The following VPS54 variants were observed in gnomAD, a reference collection of about 807,000 sequenced individuals.
VPS54 encodes VPS54 subunit of GARP complex.
A neutral mutation model predicts 121.5 loss-of-function variants in VPS54; 45 were observed. The ratio of observed to expected loss-of-function variants is 0.37; its 90% CI spans 0.29 to 0.47. The LOEUF (loss-of-function observed/expected upper bound fraction) is 0.47. Among genes scored for constraint, VPS54 ranks in the 20% least tolerant of loss-of-function variants. The pLI is 0.99. For missense variants in VPS54, 1,090 were observed against 1,131.4 expected (o/e 0.96, Z 0.52); for synonymous variants, 371 against 385.8 (o/e 0.96, Z 0.45).
intron 15 of VPS54, among the ~76,000 whole-genome samples, 156 bp downstream of exon 15, chr2:63,919,727 T>C (rs1673552306): frequency 6.6e-6 from 1 of 152,120 alleles, no homozygotes; most frequent in African/African-American, 2.4e-5. Flanking sequence ...ATAATTATTA[T>C]AAATTACCAT....
intron 7 of VPS54, among the ~76,000 whole-genome samples, chr2:63,960,561 G>A (rs763122215): frequency 7.2e-5 from 11 of 152,100 alleles, no homozygotes; most frequent in African/African-American, 2.7e-4. Flanking sequence ...TTGCCAAGGC[G>A]GCATTCAATC....
At chr2:63,936,477 G>A (rs1261723651) in intron 11 of VPS54, among the ~76,000 whole-genome samples, 1 of 152,156 alleles carries the variant, frequency 6.6e-6, no homozygotes, top group Admixed American at 6.6e-5. Flanking sequence ...TCTTGAGAAT[G>A]GAGTTAATGA....
chr2:63,934,359 G>A (rs577052438), intron 11 of VPS54, among the ~76,000 whole-genome samples: 1 of 152,236 alleles, frequency 6.6e-6, no homozygotes, highest in East Asian at 1.9e-4. Flanking sequence ...TGATATGCCT[G>A]TCTAAAAGAA....
At chr2:63,924,298 C>T (rs1012331367) in intron 12 of VPS54, among the ~76,000 whole-genome samples, 1 of 152,176 alleles carries the variant, frequency 6.6e-6, no homozygotes, top group Admixed American at 6.5e-5. Context: ...TATAGCTAGA[C>T]ATAGTCATGT....
intron 11 of VPS54, among the ~76,000 whole-genome samples, chr2:63,939,728 T>C (rs1186535517): frequency 6.6e-6 from 1 of 151,208 alleles, no homozygotes; most frequent in Non-Finnish European, 1.5e-5. Context: ...CTTTTTGACA[T>C]AGCTGAGATC....
intron 7 of VPS54, among the ~76,000 whole-genome samples, chr2:63,953,468 A>G (rs917464770): frequency 4.6e-5 from 7 of 152,140 alleles, no homozygotes; most frequent in South Asian, 2.1e-4. Flanking sequence ...AATGTATTAT[A>G]TATCTGTTTA....
intron 12 of VPS54, among the ~76,000 whole-genome samples, chr2:63,930,660 C>A (rs933492399): frequency 2.0e-5 from 3 of 152,012 alleles, no homozygotes; most frequent in African/African-American, 4.8e-5. Flanking sequence ...GAAGTTCTGG[C>A]CAGGGCAATC....
intron 8 of VPS54, among the ~76,000 whole-genome samples, chr2:63,947,817 G>A (rs1559013719): frequency 6.6e-6 from 1 of 152,066 alleles, no homozygotes; most frequent in African/African-American, 2.4e-5. Flanking sequence ...TACTCCATGG[G>A]CCCTGTGGGT....
intron 1 of VPS54, among the ~76,000 whole-genome samples, chr2:64,003,449 C>T (rs1338399357): frequency 6.6e-6 from 1 of 152,126 alleles, no homozygotes. Context: ...TCAATTTTTG[C>T]ATCAATCATA....
At chr2:63,917,051 G>A in intron 15 of VPS54, 88 bp from the exon 16 acceptor site, 3 of 1,306,902 alleles carry the variant, frequency 2.3e-6, no homozygotes, top group Non-Finnish European at 2.2e-6. Flanking sequence ...CCTGTTTAAG[G>A]CCAAAAACTC....
intron 12 of VPS54, among the ~76,000 whole-genome samples, chr2:63,926,021 T>C (rs145958564): frequency 3.9e-5 from 6 of 152,332 alleles, no homozygotes; most frequent in Admixed American, 2.6e-4. Context: ...ATACAAATGA[T>C]ACTTGAAGAT....
intron 22 of VPS54, among the ~76,000 whole-genome samples, chr2:63,894,603 T>C (rs1397689307): frequency 6.6e-6 from 1 of 151,716 alleles, no homozygotes; most frequent in Non-Finnish European, 1.5e-5. Context: ...TTGGGGAGTC[T>C]GCAGTGGGAG....
At chr2:63,948,878 T>C (rs574773211) in intron 8 of VPS54, among the ~76,000 whole-genome samples, 159 bp downstream of exon 8, 1 of 152,334 alleles carries the variant, frequency 6.6e-6, no homozygotes, top group South Asian at 2.1e-4. Context: ...TGAACAATCA[T>C]GGTGCTTGCT....
chr2:63,999,782 TTTTTC>T (rs1004368353), intron 1 of VPS54, among the ~76,000 whole-genome samples: 13 of 152,214 alleles, frequency 8.5e-5, no homozygotes, highest in South Asian at 6.2e-4. Context: ...TTTTTATTCT[TTTTTC>T]TTTTGTCTTC....
chr2:63,921,634 C>T (rs1359747617), intron 12 of VPS54, among the ~76,000 whole-genome samples: 2 of 152,190 alleles, frequency 1.3e-5, no homozygotes, highest in East Asian at 3.9e-4. Flanking sequence ...CTCAAGCAAA[C>T]CCCCTACCTC....
chr2:63,941,777 A>G (rs541750598), intron 11 of VPS54, among the ~76,000 whole-genome samples: 56 of 152,216 alleles, frequency 3.7e-4, no homozygotes, highest in Middle Eastern at 3.4e-3. Context: ...GCTCACACCT[A>G]TATCTCAGCA....
At chr2:63,970,210 T>TACACAC (rs1301850062) in intron 4 of VPS54, among the ~76,000 whole-genome samples, 3,215 of 101,590 alleles carry the variant, frequency 0.032, 208 homozygotes, top group African/African-American at 0.12. Context: ...AAAATATATA[T>TACACAC]ATACACACAC....
At chr2:64,012,690 T>C (rs1160392101) in intron 1 of VPS54, among the ~76,000 whole-genome samples, 1 of 140,968 alleles carries the variant, frequency 7.1e-6, no homozygotes, top group Non-Finnish European at 1.5e-5. Flanking sequence ...CATCGGCCCA[T>C]CAAAAAAAAA....
chr2:63,988,281 C>G (rs1367939161), intron 1 of VPS54, among the ~76,000 whole-genome samples: 1 of 152,116 alleles, frequency 6.6e-6, no homozygotes, highest in East Asian at 1.9e-4. Context: ...TGTTTTTTCT[C>G]CTTCATTCTC....
Sources: allele counts gnomAD v4.1 joint callset (sites outside exome capture counted in the v4.1 genomes callset), GRCh38; gene constraint gnomAD v4.1.1; transcripts MANE v1.5; gene names NCBI Gene and HGNC (gene_info 2026-07-23, HGNC 2026-07-21).